DCC: variants seen among roughly 807,000 people sequenced by gnomAD.
DCC encodes DCC netrin 1 receptor.
DCC carries 58 observed loss-of-function variants against 172.5 expected under a neutral mutation model. The ratio of observed to expected loss-of-function variants is 0.34; its 90% CI spans 0.27 to 0.42. DCC has a LOEUF of 0.42. Among genes scored for constraint, DCC ranks in the 10% least tolerant of loss-of-function variants. The probability of loss-of-function intolerance (pLI) is 1.00; values close to 1 mark genes in which losing one functional copy is unlikely to be tolerated. For missense variants in DCC, 1,740 were observed against 1,791.0 expected, an observed-to-expected ratio of 0.97 and a Z score of 0.51; for synonymous variants, 709 against 644.5, an observed-to-expected ratio of 1.10 and a Z score of -1.52.
chr18:52,797,517 G>C (rs73455827), intron 2 of DCC, among the ~76,000 whole-genome samples: 3,343 of 152,288 alleles, frequency 0.022, 120 homozygotes, highest in African/African-American at 0.076. Flanking sequence ...GTTATATTCA[G>C]TGTCAGCGAT....
intron 1 of DCC, among the ~76,000 whole-genome samples, chr18:52,632,666 C>T (rs1243987904): frequency 1.3e-5 from 2 of 152,194 alleles, no homozygotes; most frequent in Non-Finnish European, 2.9e-5. Flanking sequence ...CTTCTCATGA[C>T]TTCAAATTTC....
intron 2 of DCC, among the ~76,000 whole-genome samples, chr18:52,791,306 A>C (rs2037763423): frequency 6.6e-6 from 1 of 152,096 alleles, no homozygotes; most frequent in Non-Finnish European, 1.5e-5. Flanking sequence ...GGGTGAAAGG[A>C]GTTCCAGTGC....
rs117948664 is a variant in DCC at position 52,819,570 on chromosome 18, T to C, written c.412+67196T>C. ...TTGTATGGTGCAGTTTAAGAGACCA[T>C]GTGTTTTTGTGTTTGAAAAAAGATA... On this transcript the variant is annotated intron_variant, in intron 2 of 28. Coordinates refer to ENST00000442544, the MANE Select transcript of DCC (RefSeq NM_005215.4). Among the ~76,000 whole-genome samples, 270 of 152,300 alleles carry C rather than the reference T, an allele frequency of 1.8e-3. No homozygotes were observed. The East Asian group carries it at 0.025, about 14-fold the overall frequency.
intron 18 of DCC, among the ~76,000 whole-genome samples, chr18:53,398,287 T>G (rs1163590926): frequency 6.6e-6 from 1 of 152,194 alleles, no homozygotes; most frequent in Non-Finnish European, 1.5e-5. Context: ...GCAGTTCTAA[T>G]TTTTAACTCC....
At chr18:53,128,636 A>G (rs1332979675) in intron 7 of DCC, among the ~76,000 whole-genome samples, 1 of 151,804 alleles carries the variant, frequency 6.6e-6, no homozygotes, top group Non-Finnish European at 1.5e-5. Flanking sequence ...TTTTATTGTT[A>G]TTAAAGAAAT....
At chr18:52,927,966 G>T (rs905382876) in intron 5 of DCC, among the ~76,000 whole-genome samples, 1 of 151,956 alleles carries the variant, frequency 6.6e-6, no homozygotes, top group African/African-American at 2.4e-5. Flanking sequence ...ACATACATGC[G>T]TATGTTCATT....
chr18:53,279,647 TA>T (rs34872786), intron 12 of DCC, among the ~76,000 whole-genome samples: 96,689 of 139,280 alleles, frequency 0.69, 35,119 homozygotes, highest in Non-Finnish European at 0.82. Flanking sequence ...TAAAGTATAA[TA>T]AAAAAAAAAA....
At chr18:52,705,770 G>C (rs368741101) in intron 1 of DCC, among the ~76,000 whole-genome samples, 1 of 152,106 alleles carries the variant, frequency 6.6e-6, no homozygotes, top group Admixed American at 6.6e-5. Flanking sequence ...GTCAAAAATA[G>C]GTACAGTAGC....
intron 1 of DCC, among the ~76,000 whole-genome samples, chr18:52,615,196 T>C (rs1200199981): frequency 6.6e-6 from 1 of 152,058 alleles, no homozygotes; most frequent in African/African-American, 2.4e-5. Context: ...CAGAATGGAG[T>C]GTAACCCAGA....
chr18:53,483,261 A>G (rs1258777455), intron 25 of DCC, among the ~76,000 whole-genome samples: 1 of 151,928 alleles, frequency 6.6e-6, no homozygotes, highest in Non-Finnish European at 1.5e-5. Context: ...TGCTTTTCAT[A>G]AAATATCTTT....
chr18:52,497,328 T>C (rs1213722213), intron 1 of DCC, among the ~76,000 whole-genome samples: 1 of 35,728 alleles, frequency 2.8e-5, no homozygotes, highest in African/African-American at 9.2e-5. Context: ...CACACACATA[T>C]ATATACACAC....
chr18:53,128,812 C>T (rs1473159520), intron 7 of DCC, among the ~76,000 whole-genome samples: 5 of 131,028 alleles, frequency 3.8e-5, no homozygotes, highest in Admixed American at 7.8e-5. Context: ...TGCCTCTCTA[C>T]GTCTATGTGT....
chr18:53,131,778 CA>C (rs1431628300), intron 7 of DCC, among the ~76,000 whole-genome samples: 1 of 151,934 alleles, frequency 6.6e-6, no homozygotes, highest in Non-Finnish European at 1.5e-5. Flanking sequence ...CAGTAAGTGT[CA>C]CCTTAACTCA....
At chr18:52,886,343 A>G (rs2039569236) in intron 2 of DCC, among the ~76,000 whole-genome samples, 1 of 152,124 alleles carries the variant, frequency 6.6e-6, no homozygotes, top group African/African-American at 2.4e-5. Flanking sequence ...TGACTGCTAG[A>G]ATAGGTGATT....
At chr18:53,095,698 C>A (rs34540811) in intron 7 of DCC, among the ~76,000 whole-genome samples, 1 of 151,350 alleles carries the variant, frequency 6.6e-6, no homozygotes, top group Admixed American at 6.6e-5. Context: ...ACCAGGATAA[C>A]CTCCTCATTT....
At chr18:53,061,561 G>A (rs947388367) in intron 5 of DCC, among the ~76,000 whole-genome samples, 1 of 152,072 alleles carries the variant, frequency 6.6e-6, no homozygotes, top group African/African-American at 2.4e-5. Flanking sequence ...GGTTAGAAAG[G>A]TGATTTTATT....
intron 5 of DCC, among the ~76,000 whole-genome samples, chr18:52,926,320 A>G (rs1223408881): frequency 1.3e-5 from 2 of 151,916 alleles, no homozygotes; most frequent in African/African-American, 4.8e-5. Context: ...ATCTGTGGAC[A>G]TGGTAATAAT....
At chr18:53,356,614 G>A (rs944942821) in intron 15 of DCC, among the ~76,000 whole-genome samples, 23 of 152,120 alleles carry the variant, frequency 1.5e-4, no homozygotes, top group African/African-American at 5.1e-4. Flanking sequence ...ATGGAGTCCT[G>A]ACTCAGCACC....
chr18:52,853,291 TGAA>T (rs2039005139), intron 2 of DCC, among the ~76,000 whole-genome samples: 1 of 152,138 alleles, frequency 6.6e-6, no homozygotes, highest in Admixed American at 6.6e-5. Flanking sequence ...CCATTTCAAA[TGAA>T]GAAGTGAATA....
Sources: gnomAD v4.1 joint callset for allele counts (sites outside exome capture counted in the v4.1 genomes callset) on GRCh38, gnomAD v4.1.1 for gene constraint, MANE v1.5 for transcripts, NCBI Gene and HGNC (gene_info 2026-07-23, HGNC 2026-07-21) for gene names.